The following JPH1 variants were observed in gnomAD, a reference collection of about 807,000 sequenced individuals.
JPH1 encodes junctophilin 1, also known as junctophilin-1.
A neutral mutation model predicts 53.6 loss-of-function variants in JPH1; 12 were observed. The ratio of observed to expected loss-of-function variants is 0.22; its 90% CI spans 0.14 to 0.36. The LOEUF is 0.36. Ranked by LOEUF, JPH1 falls within the 10% of genes least tolerant of loss-of-function variation. The pLI is 1.00. For synonymous variants in JPH1, 375 were observed against 363.8 expected (o/e 1.03, Z -0.35); for missense variants, 808 against 905.5 (o/e 0.89, Z 1.38).
intron 2 of JPH1, among the ~76,000 whole-genome samples, chr8:74,265,337 A>T (rs549462938): frequency 6.6e-6 from 1 of 152,206 alleles, no homozygotes. Context: ...CTTATTTTTA[A>T]TTAAGTACTT....
chr8:74,274,712 G>A (rs944092954), intron 2 of JPH1, among the ~76,000 whole-genome samples: 2 of 152,120 alleles, frequency 1.3e-5, no homozygotes, highest in African/African-American at 4.8e-5. Context: ...GCTGTTGAGG[G>A]CTTGTAAACT....
At chr8:74,259,312 T>G in intron 3 of JPH1, 73 bp downstream of exon 3, 1 of 1,152,246 alleles carries the variant, frequency 8.7e-7, no homozygotes, top group Non-Finnish European at 1.3e-6. Context: ...ATCTTTATGT[T>G]GAAAGGAAAA....
chr8:74,317,912 T>C (rs1419439123), intron 1 of JPH1, among the ~76,000 whole-genome samples: 1 of 152,078 alleles, frequency 6.6e-6, no homozygotes, highest in Non-Finnish European at 1.5e-5. Flanking sequence ...CAGCAATAAT[T>C]AGAAAGTTTA....
intron 4 of JPH1, among the ~76,000 whole-genome samples, chr8:74,238,058 T>C (rs1807050568): frequency 6.6e-6 from 1 of 152,216 alleles, no homozygotes; most frequent in Non-Finnish European, 1.5e-5. Flanking sequence ...TCTTTTCAGA[T>C]CTGCTCCATG....
intron 2 of JPH1, among the ~76,000 whole-genome samples, chr8:74,300,127 T>C (rs1474824742): frequency 6.6e-6 from 1 of 152,206 alleles, no homozygotes; most frequent in African/African-American, 2.4e-5. Context: ...TACTGTCAAA[T>C]TCACACAGTA....
intron 2 of JPH1, among the ~76,000 whole-genome samples, chr8:74,280,317 G>T (rs1304882192): frequency 2.6e-5 from 4 of 152,146 alleles, no homozygotes; most frequent in African/African-American, 4.8e-5. Context: ...TGGGCAAAAG[G>T]TATCACCTCC....
intron 2 of JPH1, among the ~76,000 whole-genome samples, chr8:74,300,256 T>G (rs1399100794): frequency 6.6e-6 from 1 of 152,244 alleles, no homozygotes; most frequent in East Asian, 1.9e-4. Context: ...CTAGCCATTT[T>G]GACGTTTATA....
At chr8:74,292,973 CTT>C (rs1357687217) in intron 2 of JPH1, among the ~76,000 whole-genome samples, 8 of 152,184 alleles carry the variant, frequency 5.3e-5, no homozygotes, top group African/African-American at 1.4e-4. Context: ...AGAAATCTGT[CTT>C]TATAGCCACA....
chr8:74,319,316 A>G lies in JPH1; in HGVS notation c.379+1593T>C, dbSNP rs183890133. On this transcript the variant is annotated intron_variant, in intron 1 of 5. Transcript: ENST00000342232. ...AGATTATAAAATAATGCACACATTT[A>G]AAACAATAAATTTTGCCTTCTACTT... Among the ~76,000 whole-genome samples the G allele has an allele frequency of 5.7e-3, 861 of 152,342 alleles. 6 individuals carry two copies. The highest frequency in any genetic ancestry group is 9.5e-3 in the Non-Finnish European group (649 of 68,030).
chr8:74,315,234 T>C lies in JPH1; in HGVS notation c.766A>G (p.Thr256Ala), dbSNP rs1388982149. The C allele has an allele frequency of 6.2e-7, 1 of 1,614,188 alleles. No individual in the cohort carries two copies. The highest frequency in any genetic ancestry group is 1.6e-4 in the Middle Eastern group (1 of 6,062). ...SRISSSDANS[T>A]ISFGDVDCDF... Reference sequence around the variant, plus strand: ...CAATCTACATCGCCAAAGCTGATCGTGGAGTTGGCATCGCTGGAACTAATT... The same window carrying C: ...CAATCTACATCGCCAAAGCTGATCGCGGAGTTGGCATCGCTGGAACTAATT... The change falls in exon 2 of 6, where the codon ACG (threonine) becomes GCG (alanine). Residue 256 changes from threonine (T) to alanine (A), a missense_variant. This residue lies in a region of JPH1 where 756 missense variants were observed against 811.9 expected (regional missense o/e 0.93). Transcript: ENST00000342232. The surrounding 1 kb of genome is among the most constrained non-coding windows in gnomAD (Gnocchi z 6.3).
chr8:74,235,665 T>C lies in JPH1; in HGVS notation c.*1386A>G, dbSNP rs1287181985. ...ACTTTTATAAAGACCATTTAGTTTC[T>C]ATAAGTAAGCATGCTTCTGAATAAC... On this transcript the variant is annotated 3_prime_UTR_variant, in exon 6 of 6. Coordinates refer to ENST00000342232, the MANE Select transcript of JPH1 (RefSeq NM_020647.4). 6.6e-6 allele frequency: 1 copy of C among 152,652 alleles called. No homozygotes were observed. The highest frequency in any genetic ancestry group is 2.4e-5 in the African/African-American group (1 of 41,458). 9.5% of individuals were successfully genotyped at this position (152,652 alleles called of 1,614,324 possible).
At chr8:74,273,094 C>A (rs999623882) in intron 2 of JPH1, among the ~76,000 whole-genome samples, 3 of 152,142 alleles carry the variant, frequency 2.0e-5, no homozygotes, top group African/African-American at 7.2e-5. Context: ...TTTTTAAAAT[C>A]TTCTTTGTAA....
chr8:74,246,610 A>AG (rs397771261), intron 3 of JPH1, among the ~76,000 whole-genome samples: 1 of 151,692 alleles, frequency 6.6e-6, no homozygotes, highest in African/African-American at 2.4e-5. Flanking sequence ...TGAAAAAAAA[A>AG]TCACATAGCT....
chr8:74,304,074 A>G (rs1244379382), intron 2 of JPH1, among the ~76,000 whole-genome samples: 4 of 152,286 alleles, frequency 2.6e-5, no homozygotes, highest in African/African-American at 9.6e-5. Context: ...CTCACTCTGG[A>G]TGCAGCCTGC....
rs139730816 is a variant in JPH1 at position 74,237,436 on chromosome 8, C to T, written c.1906-133G>A. 9.3e-4 allele frequency: 634 copies of T among 682,472 alleles called. 2 individuals are homozygous for T. In the African/African-American group the frequency reaches 9.9e-3, roughly 11 times the overall value. 42.3% of individuals were successfully genotyped at this position (682,472 alleles called of 1,614,324 possible). A position where few individuals can be genotyped will look rare whatever the true frequency, so the allele number is the denominator to read the frequency against. On this transcript the variant is annotated intron_variant, in intron 4 of 5. Transcript: ENST00000342232. ...TAAGGCATAAAAGATGACAGCAGTT[C>T]GGAAAGGTGTAGACTAAAAACGGCA... is the stretch of plus-strand genomic sequence containing the variant.
chr8:74,294,970 GT>G lies in JPH1; in HGVS notation c.1139+19890del, dbSNP rs1184398785. Among the ~76,000 whole-genome samples, 9 of 152,366 alleles carry G rather than the reference GT, an allele frequency of 5.9e-5. 1 individual carries two copies. The East Asian group carries it at 1.3e-3, about 23-fold the overall frequency. On this transcript the variant is annotated intron_variant, in intron 2 of 5. Coordinates refer to ENST00000342232, the MANE Select transcript of JPH1 (RefSeq NM_020647.4). Reference sequence around the variant, plus strand: ...TGGCAGGGCCAGGGTCTAAACGACTGTCTGGTGGCACAGAGTGTGTGCTTTA... The same window carrying G: ...TGGCAGGGCCAGGGTCTAAACGACTGCTGGTGGCACAGAGTGTGTGCTTTA...
chr8:74,275,882 A>C (rs1288885312), intron 2 of JPH1, among the ~76,000 whole-genome samples: 3 of 152,216 alleles, frequency 2.0e-5, no homozygotes, highest in Non-Finnish European at 4.4e-5. Context: ...TCAGAATCAA[A>C]TCAGGAAAGA....
Position 74,321,220 on chromosome 8 carries a change from G to A in JPH1, c.68C>T (p.Ala23Val). The A allele has an allele frequency of 6.2e-7, 1 of 1,609,980 alleles. No homozygotes were observed. Among genetic ancestry groups the A allele is most frequent in the South Asian group, 1.1e-5 (1 of 90,712 alleles). ...TYCGGWEEGK[A>V]HGHGICTGPK... ...CCCCGTGCAGATGCCATGCCCGTGC[G>A]CCTTGCCCTCCTCCCAGCCGCCGCA... The change falls in exon 1 of 6, where the codon GCG (alanine) becomes GTG (valine). Residue 23 changes from alanine to valine, a missense_variant. This residue lies in a region of JPH1 where 52 missense variants were observed against 93.6 expected (regional missense o/e 0.56). Transcript: ENST00000342232. This position sits in a 1 kb window ranked among gnomAD's most constrained non-coding sequence, Gnocchi z 4.3.
intron 2 of JPH1, among the ~76,000 whole-genome samples, chr8:74,272,689 C>T (rs927737263): frequency 9.3e-5 from 14 of 151,176 alleles, no homozygotes; most frequent in Non-Finnish European, 1.0e-4. Context: ...CTGCAAGCTC[C>T]GCCTCCCGGG....
Sources: allele counts gnomAD v4.1 joint callset (sites outside exome capture counted in the v4.1 genomes callset), GRCh38; gene constraint gnomAD v4.1.1; regional missense constraint gnomAD v4.1.1; non-coding constraint Gnocchi (gnomAD v3.1); transcripts MANE v1.5; gene names NCBI Gene and HGNC (gene_info 2026-07-23, HGNC 2026-07-21).